ZNF69: variants seen among roughly 807,000 people sequenced by gnomAD.
ZNF69 encodes zinc finger protein 69.
ZNF69 carries 47 observed loss-of-function variants against 50.9 expected under a neutral mutation model. That is an observed-to-expected ratio of 0.92 (90% confidence interval 0.73 to 1.18). ZNF69 has a LOEUF of 1.18. ZNF69 is among the 50% of genes most tolerant of loss of function. The pLI is 0.00. For missense variants in ZNF69, 717 were observed against 675.1 expected, an observed-to-expected ratio of 1.06 and a Z score of -0.69; for synonymous variants, 216 against 223.1, an observed-to-expected ratio of 0.97 and a Z score of 0.29.
chr19:11,945,538 G>A, the ZNF69 span, among the ~76,000 whole-genome samples: 3 of 152,084 alleles, frequency 2.0e-5, no homozygotes, highest in Non-Finnish European at 4.4e-5. Context: ...CTTCTCTAGG[G>A]AACCGGGTAC....
the ZNF69 span, among the ~76,000 whole-genome samples, chr19:11,935,640 T>C: frequency 2.0e-5 from 3 of 152,192 alleles, no homozygotes; most frequent in Non-Finnish European, 4.4e-5. Context: ...AATTATTTTG[T>C]CCCAGTCTGT....
At chr19:11,939,496 T>G in the ZNF69 span, among the ~76,000 whole-genome samples, 1 of 152,194 alleles carries the variant, frequency 6.6e-6, no homozygotes, top group Non-Finnish European at 1.5e-5. Flanking sequence ...GTTTCCCCAT[T>G]TGTTGTTTTT....
At chr19:11,900,900 C>T (rs1207481609) in intron 1 of ZNF69, among the ~76,000 whole-genome samples, 1 of 152,134 alleles carries the variant, frequency 6.6e-6, no homozygotes, top group Non-Finnish European at 1.5e-5. Flanking sequence ...TTGCCAAATC[C>T]AAGGTCGTCT....
chr19:11,950,070 G>C, the ZNF69 span: 4 of 1,614,208 alleles, frequency 2.5e-6, no homozygotes, highest in East Asian at 8.9e-5. Context: ...AGCATTGTGG[G>C]AATGGATTCA....
chr19:11,960,555 A>C, the ZNF69 span, among the ~76,000 whole-genome samples: 1 of 151,452 alleles, frequency 6.6e-6, no homozygotes, highest in South Asian at 2.1e-4. Context: ...TCGCCTCCCA[A>C]GGTGCTAGGA....
chr19:11,958,857 T>A, the ZNF69 span, among the ~76,000 whole-genome samples: 1 of 152,182 alleles, frequency 6.6e-6, no homozygotes, highest in African/African-American at 2.4e-5. Flanking sequence ...ATGCATCAGA[T>A]CATTCATTCG....
At chr19:11,925,470 C>G in the ZNF69 span, among the ~76,000 whole-genome samples, 1 of 152,268 alleles carries the variant, frequency 6.6e-6, no homozygotes, top group Non-Finnish European at 1.5e-5. Flanking sequence ...GGCGTCCTGT[C>G]CCGTCCCTGC....
chr19:11,951,402 T>C, the ZNF69 span, among the ~76,000 whole-genome samples: 2 of 151,812 alleles, frequency 1.3e-5, no homozygotes, highest in African/African-American at 4.8e-5. Context: ...CTAGTATTCG[T>C]ATTTTTTTAG....
At chr19:11,960,241 A>G in the ZNF69 span, among the ~76,000 whole-genome samples, 1 of 152,066 alleles carries the variant, frequency 6.6e-6, no homozygotes, top group Non-Finnish European at 1.5e-5. Flanking sequence ...GATGGTCTCA[A>G]TCTCTTGAAC....
chr19:11,916,681 T>C (rs898596121), downstream of ZNF69, among the ~76,000 whole-genome samples: 2 of 152,154 alleles, frequency 1.3e-5, no homozygotes, highest in African/African-American at 4.8e-5. Context: ...TAGATAGATA[T>C]TTCATTTTGA....
chr19:11,931,670 G>GTGAAATATGTTGTTGCTGATAA, the ZNF69 span, among the ~76,000 whole-genome samples: 2 of 148,218 alleles, frequency 1.3e-5, no homozygotes, highest in Non-Finnish European at 2.9e-5. Flanking sequence ...TTTCAGAGAG[G>GTGAAATATGTTGTTGCTGATAA]TTACATCATA....
the ZNF69 span, chr19:11,950,458 GGA>G: frequency 5.7e-6 from 4 of 703,368 alleles, no homozygotes; most frequent in East Asian, 1.0e-4. Context: ...GACTCACACG[GGA>G]GAGAAACCCT....
chr19:11,919,094 A>G (rs935662131), downstream of ZNF69, among the ~76,000 whole-genome samples: 3 of 151,928 alleles, frequency 2.0e-5, no homozygotes, highest in African/African-American at 4.8e-5. Context: ...ACGGGGTTTC[A>G]TCGTGTTAGC....
At chr19:11,918,567 T>C (rs909644921), downstream of ZNF69, among the ~76,000 whole-genome samples, 4 of 152,052 alleles carry the variant, frequency 2.6e-5, no homozygotes, top group African/African-American at 9.7e-5. Context: ...CACTGCAGCA[T>C]CAAGCTCCTG....
chr19:11,938,609 A>G, the ZNF69 span, among the ~76,000 whole-genome samples: 1 of 152,188 alleles, frequency 6.6e-6, no homozygotes, highest in Admixed American at 6.6e-5. Flanking sequence ...TATATGTGCC[A>G]CATTTTCTTA....
At chr19:11,963,153 G>C in the ZNF69 span, among the ~76,000 whole-genome samples, 5 of 151,188 alleles carry the variant, frequency 3.3e-5, no homozygotes, top group African/African-American at 1.2e-4. Flanking sequence ...GCAGTAGCCT[G>C]ATCATAGCTC....
At chr19:11,948,979 A>C in the ZNF69 span, 1 of 1,608,224 alleles carries the variant, frequency 6.2e-7, no homozygotes, top group South Asian at 1.1e-5. Context: ...TGCATATACC[A>C]GTTCTCTTCG....
Position 11,904,475 on chromosome 19 carries a change from T to A in ZNF69, c.252-174T>A, listed in dbSNP as rs552565401. Among the ~76,000 whole-genome samples, 321 of 152,314 alleles carry A rather than the reference T, an allele frequency of 2.1e-3. 2 individuals are homozygous for A. The highest frequency in any genetic ancestry group is 7.2e-3 in the African/African-American group (299 of 41,558). ...ATATAAACAGTTTTTTAAATAATAG[T>A]TATGGCTGGGTCACCTTGTACAATG... On this transcript the variant is annotated intron_variant, in intron 3 of 3. Coordinates refer to ENST00000429654, the MANE Select transcript of ZNF69 (RefSeq NM_001364730.1).
intron 1 of ZNF69, 150 bp from the exon 2 acceptor site, chr19:11,903,423 C>T (rs1007054414): frequency 2.2e-6 from 3 of 1,376,384 alleles, no homozygotes; most frequent in Admixed American, 4.9e-5. Context: ...AAAAGAATTG[C>T]TTTATGGAAG....
Sources: allele counts gnomAD v4.1 joint callset (sites outside exome capture counted in the v4.1 genomes callset), GRCh38; gene constraint gnomAD v4.1.1; transcripts MANE v1.5; gene names NCBI Gene and HGNC (gene_info 2026-07-23, HGNC 2026-07-21).